The following MOV10 variants were observed in gnomAD, a reference collection of about 807,000 sequenced individuals.
MOV10 encodes the protein RNA helicase MOV-10.
Under a neutral mutation model 108.4 loss-of-function variants are expected in MOV10, and 39 were observed. The ratio of observed to expected loss-of-function variants is 0.36; its 90% CI spans 0.28 to 0.47. MOV10 has a LOEUF of 0.47. MOV10 is among the 20% of genes least tolerant of loss of function. The probability of loss-of-function intolerance (pLI) is 1.00; values close to 1 mark genes in which losing one functional copy is unlikely to be tolerated. For missense variants in MOV10, 952 were observed against 1,297.6 expected (o/e 0.73, Z 4.09); for synonymous variants, 490 against 523.1 (o/e 0.94, Z 0.86).
intron 12 of MOV10, 77 bp from the exon 13 acceptor site, chr1:112,696,360 A>G (rs2101409236): frequency 6.9e-7 from 1 of 1,445,924 alleles, no homozygotes; most frequent in Non-Finnish European, 9.7e-7. Flanking sequence ...GGGTGCTGAG[A>G]AGCCAGCCTG....
rs1158738354 is a variant in MOV10, at chr1:112,674,860, CTTTCAG to C, written c.-47_-42del. ...CGCCAACTTCCAGCTGCAGCGGCGA[CTTTCAG>C]TTTCATTTCCACGGACCCTCCTGCC... is the stretch of plus-strand genomic sequence containing the variant. On this transcript the variant is annotated 5_prime_UTR_variant, in exon 2 of 21. Transcript: ENST00000369645. 13 of 1,508,288 alleles carry C rather than the reference CTTTCAG, an allele frequency of 8.6e-6. No individual in the cohort carries two copies. Among genetic ancestry groups the C allele is most frequent in the Non-Finnish European group, 1.1e-5 (12 of 1,131,954 alleles). 93.4% of individuals were successfully genotyped at this position (1,508,288 alleles called of 1,614,324 possible).
chr1:112,693,810 G>T, intron 7 of MOV10: 1 of 496,906 alleles, frequency 2.0e-6, no homozygotes, highest in Non-Finnish European at 3.6e-6. Flanking sequence ...GCATCTCTGG[G>T]CAGCTTCGGA....
At chr1:112,699,089 A>C (rs1570814316) in intron 17 of MOV10, 1 of 358,398 alleles carries the variant, frequency 2.8e-6, no homozygotes, top group South Asian at 4.2e-5. Context: ...TGATGCTGCC[A>C]CCCCCACCCC....
At chr1:112,686,487 G>A (rs1454574768) in intron 2 of MOV10, among the ~76,000 whole-genome samples, 1 of 152,126 alleles carries the variant, frequency 6.6e-6, no homozygotes, top group African/African-American at 2.4e-5. Context: ...TCCCCGGGTT[G>A]TGCTAGTAGC....
chr1:112,697,908 G>A (rs1253586004), intron 14 of MOV10, 86 bp from the exon 15 acceptor site: 6 of 1,095,064 alleles, frequency 5.5e-6, no homozygotes, highest in African/African-American at 1.5e-5. Context: ...GCTATTGTGT[G>A]TGGGCCCAGA....
At chr1:112,681,170 G>GT (rs1672619738) in intron 2 of MOV10, among the ~76,000 whole-genome samples, 1 of 151,674 alleles carries the variant, frequency 6.6e-6, no homozygotes, top group African/African-American at 2.4e-5. Flanking sequence ...AATCAGGGTG[G>GT]TTTTTTTAGT....
chr1:112,687,900 C>G (rs1456050967), intron 2 of MOV10, among the ~76,000 whole-genome samples: 1 of 152,066 alleles, frequency 6.6e-6, no homozygotes, highest in African/African-American at 2.4e-5. Flanking sequence ...TGGGCCGCCC[C>G]CCTCTGCCCC....
chr1:112,680,149 T>G (rs1405516417), intron 2 of MOV10, among the ~76,000 whole-genome samples: 1 of 152,104 alleles, frequency 6.6e-6, no homozygotes, highest in Non-Finnish European at 1.5e-5. Flanking sequence ...AGCATTGTTA[T>G]GGGAGAAGAT....
chr1:112,694,959 C>A lies in MOV10; in HGVS notation c.1620+63C>A, dbSNP rs1382180486. On this transcript the variant is annotated intron_variant, in intron 10 of 20. Coordinates refer to ENST00000369645, the MANE Select transcript of MOV10 (RefSeq NM_001321324.2). The surrounding 1 kb of genome is among the most constrained non-coding windows in gnomAD (Gnocchi z 4.1). Reference sequence around the variant, plus strand: ...TTCCCCCAGCACCAAGCAGTTGTCCCCAGATTCTAGTTCCTTCCCACTCCC... The same window carrying A: ...TTCCCCCAGCACCAAGCAGTTGTCCACAGATTCTAGTTCCTTCCCACTCCC... The A allele has an allele frequency of 1.0e-5, 16 of 1,537,758 alleles. No homozygotes were observed. The East Asian group carries it at 3.7e-4, about 35-fold the overall frequency.
Position 112,695,492 on chromosome 1 carries a change from G to A in MOV10, c.1697G>A (p.Arg566Lys). 1 of 1,614,194 alleles carries A rather than the reference G, an allele frequency of 6.2e-7. No individual in the cohort carries two copies. The highest frequency in any genetic ancestry group is 8.5e-7 in the Non-Finnish European group (1 of 1,180,040). Residue 566 changes from arginine (R) to lysine (K), a missense_variant, in exon 11 of 21, where the codon AGG becomes AAG. This residue lies in a region of MOV10 where 453 missense variants were observed against 611.5 expected (regional missense o/e 0.74). Transcript: ENST00000369645. ...SNSGADLLCQ[R>K]LRVHLPSSIY... ...TCAGGGGCTGACCTACTCTGTCAAA[G>A]GCTCCGGGTCCACCTTCCTAGCTCC... is the stretch of plus-strand genomic sequence containing the variant.
Position 112,694,423 on chromosome 1 carries a change from C to A in MOV10, c.1296-30C>A, listed in dbSNP as rs1338228598. The A allele has an allele frequency of 6.2e-7, 1 of 1,613,348 alleles. No individual in the cohort carries two copies. The highest frequency in any genetic ancestry group is 8.5e-7 in the Non-Finnish European group (1 of 1,179,858). ...TTATTGCCCACCTCCCCTGCCCCAACAAACTCTTACCACCTCTCTCTGCCC... is the reference window on the plus strand; with the variant it reads ...TTATTGCCCACCTCCCCTGCCCCAAAAAACTCTTACCACCTCTCTCTGCCC... On this transcript the variant is annotated intron_variant, in intron 8 of 20. Transcript: ENST00000369645. The surrounding 1 kb of genome is among the most constrained non-coding windows in gnomAD (Gnocchi z 4.1).
In MOV10 at chr1:112,689,806, C is replaced by A. The variant is rs144264245; in HGVS notation, c.578-34C>A. Reference sequence around the variant, plus strand: ...GGGATAAGGATATGGGTGGGAGGGTCCCTACCCCCATTCACTCATCCATTC... The same window carrying A: ...GGGATAAGGATATGGGTGGGAGGGTACCTACCCCCATTCACTCATCCATTC... On this transcript the variant is annotated intron_variant, in intron 4 of 20. Coordinates refer to ENST00000369645, the MANE Select transcript of MOV10 (RefSeq NM_001321324.2). 2.4e-4 allele frequency: 378 copies of A among 1,605,914 alleles called. 5 individuals are homozygous for A. In the South Asian group the frequency reaches 2.8e-3, roughly 12 times the overall value.
At position 112,697,977 on chromosome 1, in the gene MOV10, C is replaced by T. The variant is rs1674262528; in HGVS notation, c.2199-17C>T. On this transcript the variant is annotated splice_polypyrimidine_tract_variant and intron_variant, in intron 14 of 20. Coordinates refer to ENST00000369645, the MANE Select transcript of MOV10 (RefSeq NM_001321324.2). ...AATCTGACCCTTGGTCTTGCTTTTC[C>T]TCCTCCGGCCTCCCAGGTCTCATCC... 6.2e-7 allele frequency: 1 copy of T among 1,607,294 alleles called. No individual in the cohort carries two copies. The highest frequency in any genetic ancestry group is 1.7e-5 in the Admixed American group (1 of 60,012).
chr1:112,691,865 C>G, intron 6 of MOV10, 66 bp downstream of exon 6: 1 of 1,547,704 alleles, frequency 6.5e-7, no homozygotes, highest in African/African-American at 1.4e-5. Flanking sequence ...TTGCATTGCC[C>G]TGGCACCTCC....
chr1:112,674,888 T>A lies in MOV10; in HGVS notation c.-25T>A. On this transcript the variant is annotated 5_prime_UTR_variant, in exon 2 of 21. Transcript: ENST00000369645. Reference sequence around the variant, plus strand: ...TCAGTTTCATTTCCACGGACCCTCCTGCCTGGGCCGCAGCCGCCGCCGCGA... The same window carrying A: ...TCAGTTTCATTTCCACGGACCCTCCAGCCTGGGCCGCAGCCGCCGCCGCGA... 2 of 1,550,756 alleles carry A rather than the reference T, an allele frequency of 1.3e-6. No homozygotes were observed. The highest frequency in any genetic ancestry group is 1.7e-6 in the Non-Finnish European group (2 of 1,152,906).
At chr1:112,678,014 C>G (rs563316267) in intron 2 of MOV10, among the ~76,000 whole-genome samples, 12 of 152,070 alleles carry the variant, frequency 7.9e-5, no homozygotes, top group Non-Finnish European at 1.6e-4. Flanking sequence ...TATGTGTAGA[C>G]AAACAAATGC....
chr1:112,688,669 C>A, intron 2 of MOV10: 1 of 1,365,196 alleles, frequency 7.3e-7, no homozygotes. Context: ...TGTGATTGGG[C>A]TTTTCCCCTC....
Position 112,689,015 on chromosome 1 carries a change from G to T in MOV10, c.218G>T (p.Arg73Leu). 1 of 1,612,600 alleles carries T rather than the reference G, an allele frequency of 6.2e-7. No homozygotes were observed. Among genetic ancestry groups the T allele is most frequent in the Non-Finnish European group, 8.5e-7 (1 of 1,180,026 alleles). ...AATCTGGCCTACGTCACCAAGACTCGGGTCAGGTTCTTCAGACTCGACCGC... is the reference window on the plus strand; with the variant it reads ...AATCTGGCCTACGTCACCAAGACTCTGGTCAGGTTCTTCAGACTCGACCGC... ...IANLAYVTKTRVRFFRLDRWA... is the reference protein window; with the variant it reads ...IANLAYVTKTLVRFFRLDRWA... The change falls in exon 3 of 21, where the codon CGG becomes CTG. Residue 73 changes from arginine (R) to leucine (L), a missense_variant. Arg to Leu is a moderately radical substitution (Grantham distance 102). This residue lies in a region of MOV10 where 374 missense variants were observed against 468.6 expected (regional missense o/e 0.80). Coordinates refer to ENST00000369645, the MANE Select transcript of MOV10 (RefSeq NM_001321324.2).
rs544331937 is a variant in MOV10 at position 112,696,044 on chromosome 1, A to T, written c.1780-104A>T. On this transcript the variant is annotated intron_variant, in intron 11 of 20. Coordinates refer to ENST00000369645, the MANE Select transcript of MOV10 (RefSeq NM_001321324.2). The stretch of plus-strand genomic sequence containing the variant: ...GGGACAGCGAGACTCCGTCTCAATT[A>T]AAAAAAATAAAAATAATTGTTTGAG... The T allele has an allele frequency of 2.0e-3, 1,472 of 752,354 alleles. 7 individuals are homozygous for T. Among genetic ancestry groups the T allele is most frequent in the Non-Finnish European group, 2.2e-3 (1,049 of 471,152 alleles). The allele number at this position is 752,354 out of a possible 1,614,324, so 46.6% of individuals were successfully genotyped here. A position where few individuals can be genotyped will look rare whatever the true frequency, so the allele number is the denominator to read the frequency against.
Sources: gnomAD v4.1 joint callset for allele counts (sites outside exome capture counted in the v4.1 genomes callset) on GRCh38, gnomAD v4.1.1 for gene constraint, gnomAD v4.1.1 regional missense constraint, Gnocchi (gnomAD v3.1) non-coding constraint, MANE v1.5 for transcripts, NCBI Gene and HGNC (gene_info 2026-07-23, HGNC 2026-07-21) for gene names.